CA5A: variants seen among roughly 807,000 people sequenced by gnomAD.
CA5A encodes the protein carbonic anhydrase 5A.
In CA5A, 28 loss-of-function variants were observed where a neutral mutation model predicts 37.1. That is an observed-to-expected ratio of 0.75 (90% CI 0.56 to 1.03). CA5A has a LOEUF of 1.03. Ranked by LOEUF, CA5A falls within the 50% of genes least tolerant of loss-of-function variation. The pLI is 0.00. For missense variants in CA5A, 444 were observed against 399.9 expected (o/e 1.11, Z -0.94); for synonymous variants, 171 against 158.4 (o/e 1.08, Z -0.60).
At chr16:87,901,879 G>GC (rs1262505985) in intron 5 of CA5A, 33 bp downstream of exon 5, 1 of 1,591,938 alleles carries the variant, frequency 6.3e-7, no homozygotes, top group Non-Finnish European at 8.6e-7. Context: ...GAGCCTCCGC[G>GC]CCCGGCCTGC....
Position 87,888,111 on chromosome 16 carries a change from C to T in CA5A, c.*18G>A. The T allele has an allele frequency of 6.3e-7, 1 of 1,579,822 alleles. No homozygotes were observed. Among genetic ancestry groups the T allele is most frequent in the African/African-American group, 1.4e-5 (1 of 73,980 alleles). ...TTCCTTCAAAGTCAGTTCTGCTATTCATGTGGACCTAATGTCTCTAGGACC... is the reference window on the plus strand; with the variant it reads ...TTCCTTCAAAGTCAGTTCTGCTATTTATGTGGACCTAATGTCTCTAGGACC... On this transcript the variant is annotated 3_prime_UTR_variant, in exon 7 of 7. Coordinates refer to ENST00000649794, the MANE Select transcript of CA5A (RefSeq NM_001739.2).
At chr16:87,923,741 TAGAGG>T in intron 2 of CA5A, 53 of 985,050 alleles carry the variant, frequency 5.4e-5, no homozygotes, top group Non-Finnish European at 6.4e-5. Flanking sequence ...CTTTACGACT[TAGAGG>T]AAACAAATCA....
chr16:87,927,122 C>T (rs557709205), intron 1 of CA5A, among the ~76,000 whole-genome samples, 177 bp from the exon 2 acceptor site: 131 of 152,374 alleles, frequency 8.6e-4, no homozygotes, highest in Non-Finnish European at 1.3e-3. Context: ...ACAGGGTACT[C>T]GCCTGCTCCT....
At chr16:87,887,950 T>C (rs1377169687), downstream of CA5A, 4 of 891,444 alleles carry the variant, frequency 4.5e-6, no homozygotes, top group Non-Finnish European at 6.4e-6. Context: ...CAGCGTTATG[T>C]TCCCCACGGT....
At chr16:87,933,570 A>G (rs1375857531) in intron 1 of CA5A, among the ~76,000 whole-genome samples, 6 of 148,568 alleles carry the variant, frequency 4.0e-5, no homozygotes, top group Non-Finnish European at 8.9e-5. Context: ...TTTTTTAGAG[A>G]TGGGTTCTTG....
chr16:87,908,389 G>C (rs184565636), intron 2 of CA5A, among the ~76,000 whole-genome samples: 1 of 152,168 alleles, frequency 6.6e-6, no homozygotes, highest in African/African-American at 2.4e-5. Flanking sequence ...TGGTGATTGC[G>C]CATCGCACAC....
chr16:87,898,020 C>T (rs1463879041), intron 5 of CA5A, among the ~76,000 whole-genome samples: 2 of 152,134 alleles, frequency 1.3e-5, no homozygotes, highest in East Asian at 1.9e-4. Context: ...AAAAGGACAT[C>T]GTGTCCATCT....
Position 87,904,518 on chromosome 16 carries a change from C to T in CA5A, c.459+268G>A, listed in dbSNP as rs1469942962. Among the ~76,000 whole-genome samples, 5 of 152,342 alleles carry T rather than the reference C, an allele frequency of 3.3e-5. No individual in the cohort carries two copies. In the East Asian group the frequency reaches 7.7e-4, roughly 23 times the overall value. ...GAGCTCAAGCTCTGACTTTGCATCCCGGCTGTCTGGCTTTGGCAAGTTCCG... is the reference window on the plus strand; with the variant it reads ...GAGCTCAAGCTCTGACTTTGCATCCTGGCTGTCTGGCTTTGGCAAGTTCCG... On this transcript the variant is annotated intron_variant, in intron 3 of 6. Coordinates refer to ENST00000649794, the MANE Select transcript of CA5A (RefSeq NM_001739.2).
At chr16:87,899,855 G>C (rs2055852649) in intron 5 of CA5A, among the ~76,000 whole-genome samples, 1 of 143,672 alleles carries the variant, frequency 7.0e-6, no homozygotes, top group Non-Finnish European at 1.5e-5. Flanking sequence ...GGAAGGCGGA[G>C]GTTGCAGTGA....
At chr16:87,923,966 T>C in intron 2 of CA5A, 2 of 984,972 alleles carry the variant, frequency 2.0e-6, no homozygotes, top group Non-Finnish European at 2.4e-6. Flanking sequence ...AATTTTTAAA[T>C]AATATAACCA....
chr16:87,926,469 G>A (rs1395888621), intron 2 of CA5A, among the ~76,000 whole-genome samples: 4 of 152,212 alleles, frequency 2.6e-5, no homozygotes, highest in African/African-American at 4.8e-5. Flanking sequence ...TGCAAGGCGA[G>A]CCCCACGGGA....
chr16:87,930,094 C>T (rs1293018707), intron 1 of CA5A, among the ~76,000 whole-genome samples: 1 of 152,086 alleles, frequency 6.6e-6, no homozygotes, highest in Non-Finnish European at 1.5e-5. Flanking sequence ...GTTTTTCTCT[C>T]CCCCATCAAC....
chr16:87,902,094 C>G (rs2055887294), intron 4 of CA5A, 120 bp from the exon 5 acceptor site: 1 of 895,978 alleles, frequency 1.1e-6, no homozygotes, highest in East Asian at 2.5e-5. Flanking sequence ...TGGCTCATGC[C>G]TGTGATCCTA....
chr16:87,929,026 C>A lies in CA5A; in HGVS notation c.143-2081G>T, dbSNP rs186559999. On this transcript the variant is annotated intron_variant, in intron 1 of 6. Transcript: ENST00000649794. ...CCTTGTGATCCACCCGCCTCGGCCT[C>A]CCAAAGTGCTGGGATTACAGGCGTG... Among the ~76,000 whole-genome samples the A allele has an allele frequency of 7.3e-5, 11 of 150,866 alleles. No homozygotes were observed. In the East Asian group the frequency reaches 2.0e-3, roughly 27 times the overall value.
chr16:87,915,739 A>G (rs916997068), intron 2 of CA5A, among the ~76,000 whole-genome samples: 13 of 150,208 alleles, frequency 8.7e-5, no homozygotes, highest in South Asian at 4.2e-4. Flanking sequence ...TTATGCCATC[A>G]CCACCCAGTA....
intron 2 of CA5A, among the ~76,000 whole-genome samples, chr16:87,925,133 G>C (rs957576820): frequency 6.6e-6 from 1 of 152,192 alleles, no homozygotes. Context: ...GGACGCACCC[G>C]GGAGGAGGCA....
At chr16:87,919,970 C>T (rs2056208626) in intron 2 of CA5A, among the ~76,000 whole-genome samples, 1 of 152,192 alleles carries the variant, frequency 6.6e-6, no homozygotes, top group African/African-American at 2.4e-5. Context: ...GTCCCTCCAC[C>T]CAGCCCCGGA....
chr16:87,927,494 C>T (rs1224606019), intron 1 of CA5A, among the ~76,000 whole-genome samples: 2 of 152,162 alleles, frequency 1.3e-5, no homozygotes, highest in East Asian at 3.8e-4. Context: ...GAGTGGCAGC[C>T]CCTCTACCTA....
chr16:87,895,469 C>T (rs112688024), intron 5 of CA5A, among the ~76,000 whole-genome samples: 37 of 152,248 alleles, frequency 2.4e-4, no homozygotes, highest in African/African-American at 8.4e-4. Flanking sequence ...CACTTAAACC[C>T]GGGAGGCAGA....
Sources: gnomAD v4.1 joint callset for allele counts (sites outside exome capture counted in the v4.1 genomes callset) on GRCh38, gnomAD v4.1.1 for gene constraint, MANE v1.5 for transcripts, NCBI Gene and HGNC (gene_info 2026-07-23, HGNC 2026-07-21) for gene names.